Variants in KLHL22 observed in about 807,000 individuals in gnomAD.
KLHL22 encodes the protein kelch like family member 22.
KLHL22 carries 18 observed loss-of-function variants against 60.7 expected under a neutral mutation model. That is an observed-to-expected ratio of 0.30 (90% confidence interval 0.20 to 0.44). KLHL22 has a LOEUF of 0.44. Among genes scored for constraint, KLHL22 ranks in the 20% least tolerant of loss-of-function variants. The pLI, the probability that KLHL22 is intolerant of heterozygous loss-of-function variation, is 1.00. For synonymous variants in KLHL22, 355 were observed against 354.5 expected (o/e 1.00, Z -0.01); for missense variants, 596 against 852.3 (o/e 0.70, Z 3.74).
At chr22:20,483,309 C>T in intron 2 of KLHL22, 2 of 717,096 alleles carry the variant, frequency 2.8e-6, no homozygotes, top group East Asian at 2.6e-5. Context: ...ACTTGTCCAG[C>T]TCCTGTCGTT....
At chr22:20,484,744 T>C (rs2053559695) in intron 2 of KLHL22, among the ~76,000 whole-genome samples, 3 of 151,700 alleles carry the variant, frequency 2.0e-5, no homozygotes, top group Admixed American at 6.6e-5. Context: ...TTTTTTTTTT[T>C]TTTTACGAGA....
At chr22:20,482,651 CA>C (rs2146271555) in intron 2 of KLHL22, among the ~76,000 whole-genome samples, 1 of 152,246 alleles carries the variant, frequency 6.6e-6, no homozygotes, top group African/African-American at 2.4e-5. Flanking sequence ...CGGCTCACTG[CA>C]ACCTCCGCCT....
intron 2 of KLHL22, among the ~76,000 whole-genome samples, chr22:20,480,679 G>A (rs748019032): frequency 1.2e-4 from 19 of 152,028 alleles, no homozygotes; most frequent in East Asian, 1.9e-4. Context: ...TATATCCCAC[G>A]GGATCTGGGT....
intron 2 of KLHL22, chr22:20,482,852 A>G: frequency 7.9e-7 from 1 of 1,272,626 alleles, no homozygotes; most frequent in Non-Finnish European, 1.1e-6. Context: ...GGTCTCAGAC[A>G]CCACTTTGCC....
chr22:20,448,852 C>G (rs985276648), intron 5 of KLHL22, among the ~76,000 whole-genome samples: 10 of 152,128 alleles, frequency 6.6e-5, no homozygotes, highest in African/African-American at 2.4e-4. Context: ...GCATAGTTTC[C>G]CTGCACAGTC....
intron 5 of KLHL22, chr22:20,450,133 T>C: frequency 3.8e-6 from 3 of 789,286 alleles, no homozygotes; most frequent in Non-Finnish European, 7.0e-6. Context: ...TGGGAGGCAT[T>C]ATGGCCCCCA....
intron 5 of KLHL22, among the ~76,000 whole-genome samples, chr22:20,454,973 C>T (rs1010247889): frequency 6.6e-6 from 1 of 152,104 alleles, no homozygotes; most frequent in African/African-American, 2.4e-5. Flanking sequence ...CCTCTGCCTC[C>T]CGGGTTCACG....
intron 2 of KLHL22, among the ~76,000 whole-genome samples, chr22:20,477,566 A>G (rs1423631585): frequency 6.6e-6 from 1 of 152,120 alleles, no homozygotes; most frequent in Admixed American, 6.6e-5. Flanking sequence ...TGATGACACC[A>G]TTGCCCAGCC....
intron 5 of KLHL22, among the ~76,000 whole-genome samples, chr22:20,447,896 G>A (rs2052900813): frequency 6.6e-6 from 1 of 152,142 alleles, no homozygotes; most frequent in Admixed American, 6.5e-5. Flanking sequence ...GTCACGTGTA[G>A]TTGGAAGTAA....
intron 5 of KLHL22, among the ~76,000 whole-genome samples, chr22:20,453,150 T>C (rs2053005397): frequency 6.6e-6 from 1 of 152,076 alleles, no homozygotes; most frequent in African/African-American, 2.4e-5. Context: ...ATTCCATTTT[T>C]CCCTCTTTCC....
At chr22:20,472,149 C>T (rs938666133) in intron 2 of KLHL22, among the ~76,000 whole-genome samples, 3 of 151,924 alleles carry the variant, frequency 2.0e-5, no homozygotes, top group Non-Finnish European at 4.4e-5. Context: ...TTGGTGGCTG[C>T]GGCACAAGAA....
intron 2 of KLHL22, among the ~76,000 whole-genome samples, chr22:20,477,402 G>T (rs891175623): frequency 3.3e-5 from 5 of 151,142 alleles, no homozygotes; most frequent in African/African-American, 1.2e-4. Context: ...GAAAAAGAAG[G>T]GAAAAAAAAA....
At chr22:20,493,168 C>T (rs2053717808) in intron 1 of KLHL22, 1 of 471,158 alleles carries the variant, frequency 2.1e-6, no homozygotes, top group Admixed American at 2.4e-5. Context: ...CATAGTAGTG[C>T]CTCTGCTCTC....
chr22:20,471,515 T>A lies in KLHL22; in HGVS notation c.228A>T (p.Arg76Ser). 6.2e-7 allele frequency: 1 copy of A among 1,613,214 alleles called. No individual in the cohort carries two copies. Among genetic ancestry groups the A allele is most frequent in the Admixed American group, 1.7e-5 (1 of 59,888 alleles). Reference sequence around the variant, plus strand: ...CCTTCAATCCCCCAGCAAACATTCCTCTGCAAAGTGAAGACACAAGAAAAT... The same window carrying A: ...CCTTCAATCCCCCAGCAAACATTCCACTGCAAAGTGAAGACACAAGAAAAT... The part of the protein sequence containing the change: ...ILLAASCDYF[R>S]GMFAGGLKEM... Residue 76 changes from arginine to serine, a missense_variant and splice_region_variant, in exon 3 of 7, where the codon AGA becomes AGT. By Grantham distance (110) the Arg-to-Ser change is moderately radical (BLOSUM62 -1). Coordinates refer to ENST00000328879, the MANE Select transcript of KLHL22 (RefSeq NM_032775.4).
At chr22:20,458,114 TCCCCAACTA>T in intron 4 of KLHL22, 114 bp from the exon 5 acceptor site, 1 of 1,123,214 alleles carries the variant, frequency 8.9e-7, no homozygotes, top group Non-Finnish European at 1.3e-6. Context: ...GCCTGAACCC[TCCCCAACTA>T]CCCCACATAC....
chr22:20,475,516 A>C (rs927816283), intron 2 of KLHL22, among the ~76,000 whole-genome samples: 1 of 151,220 alleles, frequency 6.6e-6, no homozygotes, highest in African/African-American at 2.4e-5. Context: ...CAAGGGTCCA[A>C]CTTTGTTTTT....
intron 4 of KLHL22, among the ~76,000 whole-genome samples, chr22:20,459,569 A>G (rs2053120296): frequency 6.6e-6 from 1 of 152,260 alleles, no homozygotes; most frequent in Admixed American, 6.5e-5. Context: ...AAAGACGAGC[A>G]TGAAAAGTGT....
intron 1 of KLHL22, among the ~76,000 whole-genome samples, chr22:20,494,171 G>T (rs897026356): frequency 4.0e-5 from 6 of 151,626 alleles, no homozygotes; most frequent in Non-Finnish European, 7.4e-5. Flanking sequence ...TGGAGTTCAA[G>T]ACCACCTTGG....
chr22:20,453,300 T>C (rs1029565456), intron 5 of KLHL22, among the ~76,000 whole-genome samples: 3 of 152,150 alleles, frequency 2.0e-5, no homozygotes, highest in African/African-American at 4.8e-5. Flanking sequence ...TTTAACTCCA[T>C]AAACCATTTT....
Sources: allele counts gnomAD v4.1 joint callset (sites outside exome capture counted in the v4.1 genomes callset), GRCh38; gene constraint gnomAD v4.1.1; transcripts MANE v1.5; gene names NCBI Gene and HGNC (gene_info 2026-07-23, HGNC 2026-07-21).